TENM3: variants seen among roughly 807,000 people sequenced by gnomAD.
TENM3 encodes the protein teneurin-3.
A neutral mutation model predicts 255.1 loss-of-function variants in TENM3; 63 were observed. The observed-to-expected ratio is 0.25, with a 90% CI of 0.20 to 0.30. TENM3 has a LOEUF of 0.30. Ranked by LOEUF, TENM3 falls within the 10% of genes least tolerant of loss-of-function variation. TENM3 has a pLI of 1.00. For synonymous variants in TENM3, 1,306 were observed against 1,322.3 expected (o/e 0.99, Z 0.27); for missense variants, 2,929 against 3,461.1 (o/e 0.85, Z 3.86).
chr4:181,696,313 C>G, the TENM3 span, among the ~76,000 whole-genome samples: 18 of 152,040 alleles, frequency 1.2e-4, no homozygotes, highest in Non-Finnish European at 2.1e-4. Flanking sequence ...GCTGCCCTAC[C>G]GCCCCTCTCT....
the TENM3 span, among the ~76,000 whole-genome samples, chr4:182,024,771 T>G: frequency 1.3e-5 from 2 of 152,084 alleles, no homozygotes; most frequent in African/African-American, 4.8e-5. Context: ...ATGTACTAGG[T>G]CTTATTCATT....
rs773329996 is a variant in TENM3, at chr4:182,799,871, C to T, written c.7620C>T (p.Thr2540=). ...TCTACCTGGAGAACCTGCACTTCAC[C>T]ATCGAGGGCAAGGACACGCACTACT... ...NAFYLENLHF[T]IEGKDTHYFI... is the part of the protein sequence containing the mutation. Residue 2540 remains threonine, a synonymous_variant, in exon 28 of 28, where the codon ACC becomes ACT. Transcript: ENST00000511685. The surrounding 1 kb of genome is among the most constrained non-coding windows in gnomAD (Gnocchi z 4.2). 4 of 1,610,806 alleles carry T rather than the reference C, an allele frequency of 2.5e-6. No individual in the cohort carries two copies. The South Asian group carries it at 4.4e-5, about 18-fold the overall frequency.
At chr4:181,931,428 G>C in the TENM3 span, among the ~76,000 whole-genome samples, 1 of 152,138 alleles carries the variant, frequency 6.6e-6, no homozygotes, top group African/African-American at 2.4e-5. Flanking sequence ...CCTACAAAGA[G>C]AGTAAAATAC....
intron 1 of TENM3, among the ~76,000 whole-genome samples, chr4:182,314,329 G>A (rs186782537): frequency 2.8e-4 from 43 of 151,874 alleles, no homozygotes; most frequent in Admixed American, 2.0e-3. Context: ...CAGGGGCTAC[G>A]TGTTGTGTAT....
chr4:182,719,252 C>CTTTTTT (rs11348241), intron 13 of TENM3, among the ~76,000 whole-genome samples: 14 of 80,866 alleles, frequency 1.7e-4, no homozygotes, highest in African/African-American at 3.2e-4. Flanking sequence ...TTTTTTTTTT[C>CTTTTTT]TTTTTTTTTT....
At chr4:182,453,768 C>G (rs1411858043) in intron 3 of TENM3, among the ~76,000 whole-genome samples, 1 of 151,958 alleles carries the variant, frequency 6.6e-6, no homozygotes, top group Non-Finnish European at 1.5e-5. Flanking sequence ...TCTTTTTATG[C>G]CTTTTCTTTT....
At chr4:182,652,615 G>A (rs6815155) in intron 5 of TENM3, among the ~76,000 whole-genome samples, 6,500 of 152,242 alleles carry the variant, frequency 0.043, 177 homozygotes, top group African/African-American at 0.056. Context: ...ACCAAAGTCT[G>A]ACTGCATCCA....
the TENM3 span, among the ~76,000 whole-genome samples, chr4:181,884,024 A>G: frequency 6.6e-6 from 1 of 152,146 alleles, no homozygotes; most frequent in African/African-American, 2.4e-5. Flanking sequence ...AATACATTAA[A>G]TAGTTGTGTT....
chr4:181,637,160 C>A, the TENM3 span, among the ~76,000 whole-genome samples: 1 of 152,324 alleles, frequency 6.6e-6, no homozygotes, highest in East Asian at 1.9e-4. Flanking sequence ...TCTTCCTCAG[C>A]AACTCCTATC....
the TENM3 span, among the ~76,000 whole-genome samples, chr4:181,497,360 A>G: frequency 1.2e-4 from 18 of 152,174 alleles, no homozygotes; most frequent in Non-Finnish European, 7.4e-5. Context: ...ACCCTATAGA[A>G]GATGCATATT....
the TENM3 span, among the ~76,000 whole-genome samples, chr4:181,831,055 C>T: frequency 6.6e-6 from 1 of 152,140 alleles, no homozygotes; most frequent in African/African-American, 2.4e-5. Context: ...CCCCAAAAAA[C>T]TGGTTTTTCA....
At chr4:181,580,646 G>A in the TENM3 span, among the ~76,000 whole-genome samples, 1 of 152,166 alleles carries the variant, frequency 6.6e-6, no homozygotes, top group African/African-American at 2.4e-5. Flanking sequence ...ACCCCCCTGA[G>A]AGGAGAGATC....
chr4:181,585,003 C>CAAAAA, the TENM3 span, among the ~76,000 whole-genome samples: 1,337 of 134,722 alleles, frequency 9.9e-3, 16 homozygotes, highest in East Asian at 0.027. Flanking sequence ...TATCCAGTGG[C>CAAAAA]AAAAAAAAAA....
chr4:182,009,409 C>G, the TENM3 span, among the ~76,000 whole-genome samples: 1 of 151,952 alleles, frequency 6.6e-6, no homozygotes, highest in Non-Finnish European at 1.5e-5. Flanking sequence ...GAATTCTGTC[C>G]CTGAGCCTCT....
intron 1 of TENM3, among the ~76,000 whole-genome samples, chr4:182,184,169 A>G (rs1008539774): frequency 4.6e-5 from 7 of 152,320 alleles, no homozygotes; most frequent in Non-Finnish European, 8.8e-5. Context: ...TTGTACAACA[A>G]AGATTTTTAA....
At chr4:182,731,262 T>G in intron 16 of TENM3, 123 bp downstream of exon 16, 73 of 903,756 alleles carry the variant, frequency 8.1e-5, no homozygotes, top group Non-Finnish European at 9.9e-5. Context: ...TCCCAGCGCT[T>G]TGGGAGGCCG....
chr4:181,627,579 T>C, the TENM3 span, among the ~76,000 whole-genome samples: 1 of 152,132 alleles, frequency 6.6e-6, no homozygotes, highest in African/African-American at 2.4e-5. Flanking sequence ...AGTGAGAACA[T>C]GCGGTGTTTG....
At position 182,178,456 on chromosome 4, in the gene TENM3, T is replaced by C. The variant is rs149732274; in HGVS notation, c.-76+33702T>C. ...ACAATGTGACAGTAGCTAACCCCCA[T>C]GGACAAGTTTAATAGAATTAAAGAA... On this transcript the variant is annotated intron_variant, in intron 1 of 2. Coordinates refer to the TENM3 transcript ENST00000512480. Among the ~76,000 whole-genome samples the C allele has an allele frequency of 4.0e-4, 61 of 152,244 alleles. 2 individuals carry two copies. In the East Asian group the frequency reaches 0.012, roughly 29 times the overall value.
chr4:182,459,604 A>T (rs911372374), intron 3 of TENM3, among the ~76,000 whole-genome samples: 7 of 152,310 alleles, frequency 4.6e-5, no homozygotes, highest in Middle Eastern at 3.4e-3. Flanking sequence ...AATTTCATGC[A>T]TATTACATTT....
Sources: gnomAD v4.1 joint callset for allele counts (sites outside exome capture counted in the v4.1 genomes callset) on GRCh38, gnomAD v4.1.1 for gene constraint, Gnocchi (gnomAD v3.1) non-coding constraint, MANE v1.5 for transcripts, NCBI Gene and HGNC (gene_info 2026-07-23, HGNC 2026-07-21) for gene names.